Variants in ZSWIM4 observed in about 807,000 individuals in gnomAD.
The protein encoded by ZSWIM4 is zinc finger SWIM domain-containing protein 4.
ZSWIM4 carries 62 observed loss-of-function variants against 102.5 expected under a neutral mutation model. The ratio of observed to expected loss-of-function variants is 0.60; its 90% CI spans 0.49 to 0.75. The LOEUF (loss-of-function observed/expected upper bound fraction) is 0.75. Among genes scored for constraint, ZSWIM4 ranks in the 30% least tolerant of loss-of-function variants. ZSWIM4 has a pLI of 0.00. For missense variants in ZSWIM4, 1,280 were observed against 1,529.6 expected (o/e 0.84, Z 2.72); for synonymous variants, 652 against 674.5 (o/e 0.97, Z 0.52).
intron 7 of ZSWIM4, among the ~76,000 whole-genome samples, chr19:13,815,800 G>A (rs1009717945): frequency 5.9e-5 from 9 of 151,922 alleles, no homozygotes; most frequent in African/African-American, 1.9e-4. Context: ...TTAGCCAGGC[G>A]TGGTGGCGCA....
At chr19:13,800,312 C>T (rs1247418367) in intron 2 of ZSWIM4, among the ~76,000 whole-genome samples, 1 of 121,392 alleles carries the variant, frequency 8.2e-6, no homozygotes, top group Non-Finnish European at 1.6e-5. Context: ...TTCGCCCAGG[C>T]CGGAGTGCAG....
chr19:13,800,335 G>C (rs1974734424), intron 2 of ZSWIM4, among the ~76,000 whole-genome samples: 2 of 125,704 alleles, frequency 1.6e-5, no homozygotes, highest in African/African-American at 6.1e-5. Flanking sequence ...GCGCGATCTC[G>C]GCTCACTGCA....
In ZSWIM4 at chr19:13,830,267, A is replaced by C; in HGVS notation, c.2538A>C (p.Ala846=). Reference sequence around the variant, plus strand: ...CAGTGGAGGCGGCTACCATCGTGGCAGTGACGGGCACCACACACGCCACTC... The same window carrying C: ...CAGTGGAGGCGGCTACCATCGTGGCCGTGACGGGCACCACACACGCCACTC... ...FTPVEAATIV[A]VTGTTHATLL... Residue 846 remains alanine, a synonymous_variant, in exon 14 of 14, where the codon GCA becomes GCC. Coordinates refer to ENST00000590508, the MANE Select transcript of ZSWIM4 (RefSeq NM_001367834.3). 1 of 1,613,944 alleles carries C rather than the reference A, an allele frequency of 6.2e-7. No homozygotes were observed. The highest frequency in any genetic ancestry group is 2.2e-5 in the East Asian group (1 of 44,882).
intron 9 of ZSWIM4, among the ~76,000 whole-genome samples, chr19:13,818,246 G>C (rs1219727645): frequency 6.6e-6 from 1 of 152,234 alleles, no homozygotes; most frequent in Non-Finnish European, 1.5e-5. Flanking sequence ...TGAGCCAAGT[G>C]GTTGATGTTA....
chr19:13,811,015 G>A (rs1599594048), intron 5 of ZSWIM4, among the ~76,000 whole-genome samples: 1 of 144,756 alleles, frequency 6.9e-6, no homozygotes, highest in Admixed American at 7.3e-5. Context: ...CCAGGTTCAC[G>A]CTGTTCTCCT....
intron 10 of ZSWIM4, among the ~76,000 whole-genome samples, chr19:13,822,029 C>G (rs145619222): frequency 0.01 from 1,528 of 152,248 alleles, 21 homozygotes; most frequent in African/African-American, 0.035. Flanking sequence ...AGCCACCACA[C>G]CCGGCCTAGT....
In ZSWIM4 at chr19:13,831,430, T is replaced by C; in HGVS notation, c.*380T>C. 5.8e-6 allele frequency: 1 copy of C among 173,604 alleles called. No individual in the cohort carries two copies. The highest frequency in any genetic ancestry group is 6.2e-5 in the Admixed American group (1 of 16,194). 10.8% of individuals were successfully genotyped at this position (173,604 alleles called of 1,614,324 possible). A position where few individuals can be genotyped will look rare whatever the true frequency, so the allele number is the denominator to read the frequency against. On this transcript the variant is annotated 3_prime_UTR_variant, in exon 14 of 14. Transcript: ENST00000590508. ...CGACCCTCTAAGTCAATGTAGCACA[T>C]TTTCCCCCAACCCCACCCTGGGTGG...
At chr19:13,813,887 C>A (rs1295843057) in intron 6 of ZSWIM4, among the ~76,000 whole-genome samples, 1 of 145,530 alleles carries the variant, frequency 6.9e-6, no homozygotes, top group Non-Finnish European at 1.5e-5. Context: ...CACCACTGCA[C>A]TCTAGCCTGG....
In ZSWIM4 at chr19:13,800,090, C is replaced by T. The variant is rs1433761222; in HGVS notation, c.355+169C>T. 2.3e-4 allele frequency among the ~76,000 whole-genome samples: 12 copies of T among 53,194 alleles called. 1 individual carries two copies. The allele number at this position is 53,194 out of a possible 152,430, so 34.9% of individuals were successfully genotyped here. On this transcript the variant is annotated intron_variant, in intron 2 of 13. Transcript: ENST00000590508. ...ATTTTTTTTTTTTTTTTTTTTGAGA[C>T]GGAGTCTCGCTCTTTGGCCCAGGCC...
intron 2 of ZSWIM4, among the ~76,000 whole-genome samples, chr19:13,803,924 C>T (rs1043551339): frequency 4.0e-4 from 60 of 149,900 alleles, no homozygotes; most frequent in African/African-American, 1.4e-3. Context: ...TGCAATGGTG[C>T]GATCTCAGCT....
intron 2 of ZSWIM4, among the ~76,000 whole-genome samples, chr19:13,803,616 C>T (rs948022127): frequency 4.7e-5 from 7 of 150,514 alleles, no homozygotes; most frequent in Non-Finnish European, 8.9e-5. Context: ...CTAGCCTGGC[C>T]AATATGGTGA....
At chr19:13,802,809 G>T (rs1974809888) in intron 2 of ZSWIM4, among the ~76,000 whole-genome samples, 1 of 152,006 alleles carries the variant, frequency 6.6e-6, no homozygotes, top group South Asian at 2.1e-4. Context: ...GAACTCCTGG[G>T]CTCAAGAGAT....
chr19:13,814,409 T>C, intron 6 of ZSWIM4, 106 bp from the exon 7 acceptor site: 1 of 482,000 alleles, frequency 2.1e-6, no homozygotes. Context: ...GCCCATAGCT[T>C]TGCCCAGGCC....
intron 7 of ZSWIM4, 112 bp downstream of exon 7, chr19:13,814,977 T>G: frequency 1.8e-6 from 1 of 554,194 alleles, no homozygotes; most frequent in Non-Finnish European, 2.5e-6. Flanking sequence ...GGCAACATAG[T>G]GAGACAATGT....
chr19:13,803,806 G>GAAAAA lies in ZSWIM4; in HGVS notation c.356-972_356-968dup, dbSNP rs36078549. 6.5e-4 allele frequency among the ~76,000 whole-genome samples: 44 copies of GAAAAA among 67,572 alleles called. 3 individuals are homozygous for GAAAAA. The highest frequency in any genetic ancestry group is 1.9e-3 in the African/African-American group (35 of 17,962). The allele number at this position is 67,572 out of a possible 152,430, so 44.3% of individuals were successfully genotyped here. A position where few individuals can be genotyped will look rare whatever the true frequency, so the allele number is the denominator to read the frequency against. ...GGTGACAGAGCAAGACTCTGTCTCA[G>GAAAAA]AAAAAAAAAAAAAAAAAAGCAAGTG... On this transcript the variant is annotated intron_variant, in intron 2 of 13. Coordinates refer to ENST00000590508, the MANE Select transcript of ZSWIM4 (RefSeq NM_001367834.3).
At chr19:13,817,591 T>C in intron 8 of ZSWIM4, 131 bp from the exon 9 acceptor site, 1 of 1,215,692 alleles carries the variant, frequency 8.2e-7, no homozygotes, top group East Asian at 2.5e-5. Flanking sequence ...CCCAACCCCG[T>C]GAGTGCTGGG....
In ZSWIM4 at chr19:13,808,998, C is replaced by T. The variant is rs1263550643; in HGVS notation, c.861+14C>T. On this transcript the variant is annotated intron_variant, in intron 4 of 13. Transcript: ENST00000590508. Reference sequence around the variant, plus strand: ...ATGTTCAGCAAGGTGCCGTGCGGGCCGGCGGGGCGCGGGGTGCAGAAGGCC... The same window carrying T: ...ATGTTCAGCAAGGTGCCGTGCGGGCTGGCGGGGCGCGGGGTGCAGAAGGCC... 4.3e-6 allele frequency: 7 copies of T among 1,609,698 alleles called. No individual in the cohort carries two copies. The highest frequency in any genetic ancestry group is 1.3e-5 in the African/African-American group (1 of 74,834).
Position 13,817,314 on chromosome 19 carries a change from G to A in ZSWIM4, c.1630G>A (p.Ala544Thr). 6.2e-7 allele frequency: 1 copy of A among 1,613,990 alleles called. No individual in the cohort carries two copies. The highest frequency in any genetic ancestry group is 8.5e-7 in the Non-Finnish European group (1 of 1,179,898). ...CTGCCTCTGCAGGGCGCTCCTGGAG[G>A]CCTGTCGTCTGGAGGAGGAGACACT... is the stretch of plus-strand genomic sequence containing the variant. ...IGCLCRALLE[A>T]CRLEEETLTL... Residue 544 changes from alanine to threonine, a missense_variant, in exon 8 of 14, where the codon GCC (alanine) becomes ACC (threonine). Ala to Thr is a moderately conservative substitution (Grantham distance 58). Transcript: ENST00000590508.
At chr19:13,803,331 C>A (rs1401194811) in intron 2 of ZSWIM4, among the ~76,000 whole-genome samples, 1 of 152,200 alleles carries the variant, frequency 6.6e-6, no homozygotes, top group Non-Finnish European at 1.5e-5. Context: ...TGGCCCCTGG[C>A]TTACTTCATC....
Sources: allele counts gnomAD v4.1 joint callset (sites outside exome capture counted in the v4.1 genomes callset), GRCh38; gene constraint gnomAD v4.1.1; transcripts MANE v1.5; gene names NCBI Gene and HGNC (gene_info 2026-07-23, HGNC 2026-07-21).